Variants in FANCD2 observed in about 807,000 individuals in gnomAD.
The protein encoded by FANCD2 is Fanconi anemia group D2 protein.
A neutral mutation model predicts 192.3 loss-of-function variants in FANCD2; 131 were observed. That is an observed-to-expected ratio of 0.68 (90% CI 0.59 to 0.79). The LOEUF (loss-of-function observed/expected upper bound fraction) is 0.79. Ranked by LOEUF, FANCD2 falls within the 30% of genes least tolerant of loss-of-function variation. FANCD2 has a pLI of 0.00. For synonymous variants in FANCD2, 524 were observed against 612.5 expected (o/e 0.86, Z 2.13); for missense variants, 1,508 against 1,701.6 (o/e 0.89, Z 2.00).
chr3:10,087,103 G>A, intron 33 of FANCD2, 31 bp from the exon 34 acceptor site: 1 of 1,612,830 alleles, frequency 6.2e-7, no homozygotes, highest in Non-Finnish European at 8.5e-7. Flanking sequence ...GGATACTATT[G>A]CATTTGTTTG....
At chr3:10,071,224 C>T (rs981789827) in intron 26 of FANCD2, among the ~76,000 whole-genome samples, 8 of 151,384 alleles carry the variant, frequency 5.3e-5, no homozygotes, top group Non-Finnish European at 1.2e-4. Flanking sequence ...AAAAGAGAAC[C>T]TTTGTACACT....
intron 7 of FANCD2, 88 bp from the exon 8 acceptor site, chr3:10,039,191 T>G: frequency 2.2e-6 from 2 of 908,832 alleles, no homozygotes; most frequent in Non-Finnish European, 3.5e-6. Context: ...GTTAATGGAA[T>G]GGCTAAAATA....
chr3:10,080,996 G>T, intron 30 of FANCD2, 104 bp from the exon 31 acceptor site: 2 of 1,252,966 alleles, frequency 1.6e-6, no homozygotes, highest in South Asian at 2.4e-5. Flanking sequence ...TCTCCCATCT[G>T]CTCCTACCTG....
At chr3:10,083,542 A>G (rs958158623) in intron 32 of FANCD2, 5 of 152,100 alleles carry the variant, frequency 3.3e-5, no homozygotes, top group African/African-American at 1.2e-4. Context: ...ACATGCACCT[A>G]CCATGTGACT....
At chr3:10,088,634 T>C (rs914046293) in intron 35 of FANCD2, 92 bp downstream of exon 35, 4 of 1,121,964 alleles carry the variant, frequency 3.6e-6, no homozygotes, top group South Asian at 1.3e-5. Context: ...ACCTTTTTAG[T>C]GGGAATTTGA....
Position 10,087,216 on chromosome 3 carries a change from G to A in FANCD2, c.3418G>A (p.Val1140Ile), listed in dbSNP as rs988476435. Residue 1140 changes from valine (V) to isoleucine (I), a missense_variant, in exon 34 of 44, where the codon GTT becomes ATT. Physicochemically the swap from Val to Ile is conservative, Grantham distance 29. Transcript: ENST00000675286. ...TCTTTATCTCATCAGACTTTTGATG[G>A]TTATTTTGGAGAAATCAACAGCTTC... is the stretch of plus-strand genomic sequence containing the variant. Reference protein sequence around the residue: ...CALYLIRLLMVILEKSTASAQ... With the variant: ...CALYLIRLLMIILEKSTASAQ... 1.2e-6 allele frequency: 2 copies of A among 1,609,640 alleles called. No individual in the cohort carries two copies. Among genetic ancestry groups the A allele is most frequent in the African/African-American group, 2.7e-5 (2 of 73,800 alleles).
rs1196392007 is a variant in FANCD2, at chr3:10,043,507, G to A, written c.1013G>A (p.Ser338Asn). 6.2e-7 allele frequency: 1 copy of A among 1,613,746 alleles called. No individual in the cohort carries two copies. Among genetic ancestry groups the A allele is most frequent in the African/African-American group, 1.3e-5 (1 of 74,906 alleles). Residue 338 changes from serine (S) to asparagine (N), a missense_variant, in exon 13 of 44, where the codon AGC (serine) becomes AAC (asparagine). Ser to Asn is a conservative substitution (Grantham distance 46). Around this residue, in one of 5 missense-constraint regions of FANCD2, gnomAD observed 435 missense variants for 421.9 expected, o/e 1.03. Transcript: ENST00000675286. ...AGTTCCTCAGGAAATCAAGAAAGCAGCGGTCAGAGCTGTATTATTCTCCTC... is the reference window on the plus strand; with the variant it reads ...AGTTCCTCAGGAAATCAAGAAAGCAACGGTCAGAGCTGTATTATTCTCCTC... ...RASSSGNQESSGQSCIILLFD... is the reference protein window; with the variant it reads ...RASSSGNQESNGQSCIILLFD...
Position 10,088,552 on chromosome 3 carries a change from T to G in FANCD2, c.3560+10T>G. 3 of 1,577,424 alleles carry G rather than the reference T, an allele frequency of 1.9e-6. No homozygotes were observed. Among genetic ancestry groups the G allele is most frequent in the Non-Finnish European group, 2.6e-6 (3 of 1,146,476 alleles). ...TCCATGCTCTGCTCTGGTGAGATGT[T>G]TGGTTTCTTCCAATGAGCCAAATAG... On this transcript the variant is annotated intron_variant, in intron 35 of 43. Coordinates refer to ENST00000675286, the MANE Select transcript of FANCD2 (RefSeq NM_001018115.3).
At position 10,067,303 on chromosome 3, in the gene FANCD2, A is replaced by C. The variant is rs145099733; in HGVS notation, c.2480A>C (p.Glu827Ala). The change falls in exon 26 of 44, where the codon GAA becomes GCA. Residue 827 changes from glutamate to alanine, a missense_variant. Glu to Ala is a moderately radical substitution (Grantham distance 107, BLOSUM62 -1). This residue lies in a region of FANCD2 where 796 missense variants were observed against 879.4 expected (regional missense o/e 0.91). Transcript: ENST00000675286. Reference protein sequence around the residue: ...KHIVELQIILEKYLAVTPDYV... With the variant: ...KHIVELQIILAKYLAVTPDYV... ...ATTGTAGAATTGCAAATAATCCTGGAAAAGTACTTGGCAGGTAAGAGAAGT... is the reference window on the plus strand; with the variant it reads ...ATTGTAGAATTGCAAATAATCCTGGCAAAGTACTTGGCAGGTAAGAGAAGT... 7.9e-5 allele frequency: 127 copies of C among 1,608,734 alleles called. 1 individual carries two copies. In the East Asian group the frequency reaches 2.8e-3, roughly 36 times the overall value.
At position 10,085,941 on chromosome 3, in the gene FANCD2, G is replaced by A; in HGVS notation, c.3335+19G>A. 1 of 1,527,692 alleles carries A rather than the reference G, an allele frequency of 6.5e-7. No homozygotes were observed. Among genetic ancestry groups the A allele is most frequent in the Non-Finnish European group, 9.1e-7 (1 of 1,101,376 alleles). 94.6% of individuals were successfully genotyped at this position (1,527,692 alleles called of 1,614,324 possible). A position where few individuals can be genotyped will look rare whatever the true frequency, so the allele number is the denominator to read the frequency against. On this transcript the variant is annotated intron_variant, in intron 33 of 43. Coordinates refer to ENST00000675286, the MANE Select transcript of FANCD2 (RefSeq NM_001018115.3). ...TACTCAGGTGAGTCATAACTACATA[G>A]CCAAGATTGTTGTCCCAAGAAACTC...
chr3:10,097,135 C>G (rs1404526628), intron 42 of FANCD2, among the ~76,000 whole-genome samples: 3 of 152,122 alleles, frequency 2.0e-5, no homozygotes, highest in African/African-American at 7.2e-5. Context: ...AAGTACTTAA[C>G]AGGGTAATAG....
chr3:10,087,030 G>GC (rs1694247327), intron 33 of FANCD2, 104 bp from the exon 34 acceptor site: 1 of 1,215,834 alleles, frequency 8.2e-7, no homozygotes, highest in Admixed American at 1.7e-5. Context: ...TTCTGATTAG[G>GC]CCGTCAAACA....
In FANCD2 at chr3:10,081,396, T is replaced by TGGAC; in HGVS notation, c.3156_3157insGGAC (p.Gln1053GlyfsTer31). 1 of 1,614,152 alleles carries TGGAC rather than the reference T, an allele frequency of 6.2e-7. No individual in the cohort carries two copies. The highest frequency in any genetic ancestry group is 8.5e-7 in the Non-Finnish European group (1 of 1,180,008). On this transcript the variant is annotated frameshift_variant, in exon 32 of 44. Coordinates refer to ENST00000675286, the MANE Select transcript of FANCD2 (RefSeq NM_001018115.3). LOFTEE classifies it high-confidence loss of function. ...TAGTTGATGGACCAGGAGTGAAAGTTCAGGAGTACCACATAATGTCTTCCT... is the reference window on the plus strand; with the variant it reads ...TAGTTGATGGACCAGGAGTGAAAGTTGGACCAGGAGTACCACATAATGTCTTCCT...
Position 10,065,500 on chromosome 3 carries a change from G to A in FANCD2, c.2269+6G>A, listed in dbSNP as rs772621573. ...GGAGATTGATGGTCTACTAGGTATGGGATGAAGTCATCAGATCCTTTCTTC... is the reference window on the plus strand; with the variant it reads ...GGAGATTGATGGTCTACTAGGTATGAGATGAAGTCATCAGATCCTTTCTTC... On this transcript the variant is annotated splice_donor_region_variant and intron_variant, in intron 24 of 43. Transcript: ENST00000675286. The A allele has an allele frequency of 3.2e-6, 5 of 1,562,046 alleles. No homozygotes were observed. In the Admixed American group the frequency reaches 6.7e-5, roughly 21 times the overall value.
At chr3:10,033,053 C>T in intron 3 of FANCD2, 81 bp downstream of exon 3, 1 of 1,158,018 alleles carries the variant, frequency 8.6e-7, no homozygotes, top group South Asian at 1.3e-5. Flanking sequence ...AATAGAGAGG[C>T]AATGAAGATT....
chr3:10,032,810 T>G, intron 2 of FANCD2, 22 bp from the exon 3 acceptor site: 7 of 1,604,258 alleles, frequency 4.4e-6, no homozygotes, highest in Non-Finnish European at 6.0e-6. Flanking sequence ...TGCCATATTC[T>G]TGAAAATTTT....
At chr3:10,042,713 T>G (rs764430832) in intron 11 of FANCD2, 50 bp downstream of exon 11, 1 of 1,410,466 alleles carries the variant, frequency 7.1e-7, no homozygotes. Context: ...TAAGTGCCAA[T>G]TGCTCTTCTC....
chr3:10,060,201 C>T (rs370594732), intron 18 of FANCD2, 93 bp from the exon 19 acceptor site: 12 of 775,816 alleles, frequency 1.5e-5, no homozygotes, highest in African/African-American at 3.5e-5. Flanking sequence ...AAACGGTAAA[C>T]GCCTTTATAG....
chr3:10,071,143 AAAAG>A (rs1693221161), intron 26 of FANCD2, among the ~76,000 whole-genome samples: 1 of 149,568 alleles, frequency 6.7e-6, no homozygotes, highest in Admixed American at 6.6e-5. Context: ...AAAAAAGAAA[AAAAG>A]AAAAAAAAAA....
Sources: gnomAD v4.1 joint callset for allele counts (sites outside exome capture counted in the v4.1 genomes callset) on GRCh38, gnomAD v4.1.1 for gene constraint, gnomAD v4.1.1 regional missense constraint, MANE v1.5 for transcripts, NCBI Gene and HGNC (gene_info 2026-07-23, HGNC 2026-07-21) for gene names.